The following AXDND1 variants were observed in gnomAD, a reference collection of about 807,000 sequenced individuals.
AXDND1 encodes axonemal dynein light chain domain containing 1.
In AXDND1, 110 loss-of-function variants were observed where a neutral mutation model predicts 137.5. The ratio of observed to expected loss-of-function variants is 0.80; its 90% CI spans 0.69 to 0.94. The LOEUF is 0.94. Among genes scored for constraint, AXDND1 ranks in the 40% least tolerant of loss-of-function variants. The pLI is 0.00. For synonymous variants in AXDND1, 414 were observed against 399.7 expected (o/e 1.04, Z -0.43); for missense variants, 1,191 against 1,169.8 (o/e 1.02, Z -0.26).
chr1:179,534,670 C>T lies in AXDND1; in HGVS notation c.2799-60C>T, dbSNP rs112037427. On this transcript the variant is annotated intron_variant, in intron 24 of 25. Transcript: ENST00000367618. ...CACTGCCTTTTTAGAAAATGAGTTT[C>T]GAAATCAAAAATACTTTTTCAACCC... 66 of 1,513,690 alleles carry T rather than the reference C, an allele frequency of 4.4e-5. No homozygotes were observed. The African/African-American group carries it at 4.7e-4, about 11-fold the overall frequency. 93.8% of individuals were successfully genotyped at this position (1,513,690 alleles called of 1,614,324 possible). A position where few individuals can be genotyped will look rare whatever the true frequency, so the allele number is the denominator to read the frequency against.
intron 3 of AXDND1, among the ~76,000 whole-genome samples, chr1:179,369,522 T>C (rs1185675337): frequency 2.0e-5 from 3 of 152,046 alleles, no homozygotes; most frequent in South Asian, 2.1e-4. Context: ...CATAGTGGCA[T>C]GCGCCTATAG....
chr1:179,385,125 A>G, intron 8 of AXDND1, 113 bp from the exon 9 acceptor site: 1 of 893,914 alleles, frequency 1.1e-6, no homozygotes, highest in Non-Finnish European at 1.7e-6. Context: ...TGTAAGTGAA[A>G]TAAATTAATC....
rs150904186 is a variant in AXDND1, at chr1:179,477,418, A to G, written c.1998-5710A>G. On this transcript the variant is annotated intron_variant, in intron 17 of 25. Transcript: ENST00000367618. ...TCCACGTGGCTGGGGAGGCCTCACA[A>G]AAAATCATGGTGGAAGGTGAGAGGC... is the stretch of plus-strand genomic sequence containing the variant. Among the ~76,000 whole-genome samples, 28 of 152,218 alleles carry G rather than the reference A, an allele frequency of 1.8e-4. 1 individual carries two copies. The highest frequency in any genetic ancestry group is 3.4e-3 in the Middle Eastern group (1 of 294).
At chr1:179,411,341 T>C (rs1653844741) in intron 12 of AXDND1, 75 bp downstream of exon 12, 2 of 1,566,208 alleles carry the variant, frequency 1.3e-6, no homozygotes, top group Non-Finnish European at 1.7e-6. Flanking sequence ...AAATTTGTTT[T>C]TTTTGTTTTG....
intron 21 of AXDND1, among the ~76,000 whole-genome samples, chr1:179,510,626 C>T (rs1215218554): frequency 6.6e-6 from 1 of 152,082 alleles, no homozygotes; most frequent in East Asian, 1.9e-4. Context: ...ATACCACCGA[C>T]ATGATCTTGG....
intron 4 of AXDND1, among the ~76,000 whole-genome samples, chr1:179,373,497 A>G (rs1397120673): frequency 6.6e-6 from 1 of 152,222 alleles, no homozygotes; most frequent in African/African-American, 2.4e-5. Context: ...ATACGGAACC[A>G]AAAAAGAGCC....
At chr1:179,400,904 CAAAAAAAAAAAAAAAA>C in intron 11 of AXDND1, among the ~76,000 whole-genome samples, 1 of 53,680 alleles carries the variant, frequency 1.9e-5, no homozygotes, top group Non-Finnish European at 3.1e-5. Context: ...GACTCTGTCT[CAAAAAAAAAAAAAAAA>C]AAAAAAAGAA....
At chr1:179,493,265 C>A (rs1336857380) in intron 20 of AXDND1, among the ~76,000 whole-genome samples, 1 of 151,892 alleles carries the variant, frequency 6.6e-6, no homozygotes, top group African/African-American at 2.4e-5. Context: ...AAAGAATATA[C>A]TTTTTTTTCT....
At chr1:179,498,818 A>G (rs565658264) in intron 20 of AXDND1, among the ~76,000 whole-genome samples, 3 of 152,250 alleles carry the variant, frequency 2.0e-5, no homozygotes, top group East Asian at 1.9e-4. Context: ...CAACAAACAT[A>G]TGAAAAAATT....
At chr1:179,404,021 C>T (rs1477951817) in intron 11 of AXDND1, among the ~76,000 whole-genome samples, 1 of 152,168 alleles carries the variant, frequency 6.6e-6, no homozygotes, top group Non-Finnish European at 1.5e-5. Flanking sequence ...GTTAACATTT[C>T]TCTTGACTAT....
chr1:179,444,862 A>G, intron 15 of AXDND1, 108 bp from the exon 16 acceptor site: 2 of 659,154 alleles, frequency 3.0e-6, no homozygotes, highest in South Asian at 4.3e-5. Flanking sequence ...ATAATAGGAT[A>G]TGCAACTCCA....
chr1:179,511,141 T>C (rs1669006559), intron 21 of AXDND1, among the ~76,000 whole-genome samples: 1 of 151,572 alleles, frequency 6.6e-6, no homozygotes, highest in Non-Finnish European at 1.5e-5. Context: ...CATTCCAGCC[T>C]GGGCGACAGA....
intron 12 of AXDND1, among the ~76,000 whole-genome samples, chr1:179,422,458 T>C (rs959436267): frequency 6.6e-6 from 1 of 152,254 alleles, no homozygotes; most frequent in Admixed American, 6.5e-5. Context: ...CTTCCTGTTA[T>C]TGATTTCAAG....
chr1:179,504,402 C>T (rs1668331841), intron 20 of AXDND1, among the ~76,000 whole-genome samples: 1 of 152,176 alleles, frequency 6.6e-6, no homozygotes, highest in Non-Finnish European at 1.5e-5. Flanking sequence ...GACCCACTGG[C>T]CAACTCTATG....
chr1:179,504,453 T>C (rs143663782), intron 20 of AXDND1, among the ~76,000 whole-genome samples: 28 of 152,248 alleles, frequency 1.8e-4, no homozygotes, highest in African/African-American at 6.7e-4. Context: ...GGTAGAGCTC[T>C]GTGTGGCGAG....
At chr1:179,469,227 G>A (rs1663621767) in intron 17 of AXDND1, among the ~76,000 whole-genome samples, 1 of 152,096 alleles carries the variant, frequency 6.6e-6, no homozygotes, top group East Asian at 1.9e-4. Context: ...ACCACACCTG[G>A]CCTGTTGTGG....
At chr1:179,501,342 C>G (rs1427625553) in intron 20 of AXDND1, among the ~76,000 whole-genome samples, 1 of 152,136 alleles carries the variant, frequency 6.6e-6, no homozygotes, top group Non-Finnish European at 1.5e-5. Flanking sequence ...AATCAAAAAA[C>G]AGAACCAAAA....
intron 11 of AXDND1, among the ~76,000 whole-genome samples, chr1:179,406,046 C>T (rs1267396809): frequency 6.6e-6 from 1 of 151,982 alleles, no homozygotes; most frequent in East Asian, 1.9e-4. Context: ...TTTGCATTAT[C>T]CCATAGGCCT....
chr1:179,500,748 C>G (rs1178532585), intron 20 of AXDND1, among the ~76,000 whole-genome samples: 1 of 152,196 alleles, frequency 6.6e-6, no homozygotes, highest in Non-Finnish European at 1.5e-5. Context: ...TGTCAGCTCT[C>G]TTGAACTCTG....
Sources: gnomAD v4.1 joint callset for allele counts (sites outside exome capture counted in the v4.1 genomes callset) on GRCh38, gnomAD v4.1.1 for gene constraint, MANE v1.5 for transcripts, NCBI Gene and HGNC (gene_info 2026-07-23, HGNC 2026-07-21) for gene names.